The following C4orf50 variants were observed in gnomAD, a reference collection of about 807,000 sequenced individuals.
C4orf50 encodes chromosome 4 open reading frame 50, also known as uncharacterized protein C4orf50.
A neutral mutation model predicts 77.2 loss-of-function variants in C4orf50; 80 were observed. That is an observed-to-expected ratio of 1.04 (90% CI 0.87 to 1.25). The LOEUF (loss-of-function observed/expected upper bound fraction) is 1.25, where lower values mean the gene tolerates loss of function less well. C4orf50 is among the 50% of genes most tolerant of loss of function. The pLI, the probability that C4orf50 is intolerant of heterozygous loss-of-function variation, is 0.00. For missense variants in C4orf50, 1,257 were observed against 1,152.9 expected (o/e 1.09, Z -1.31); for synonymous variants, 532 against 465.3 (o/e 1.14, Z -1.84).
chr4:5,994,849 G>A (rs769054137), intron 25 of C4orf50, among the ~76,000 whole-genome samples: 58 of 152,204 alleles, frequency 3.8e-4, no homozygotes, highest in Non-Finnish European at 1.5e-4. Flanking sequence ...GAGGTGAGCA[G>A]CAGGCGAGCA....
chr4:6,006,762 G>A (rs1206564551), intron 25 of C4orf50, among the ~76,000 whole-genome samples: 6 of 152,194 alleles, frequency 3.9e-5, no homozygotes, highest in Admixed American at 6.5e-5. Context: ...ACCCTACCCT[G>A]TGTGCTCTCT....
Position 5,970,430 on chromosome 4 carries a change from G to T in C4orf50, c.4105-2968C>A, listed in dbSNP as rs562978689. On this transcript the variant is annotated intron_variant, in intron 31 of 33. Coordinates refer to ENST00000531445, the Ensembl canonical transcript of C4orf50. The surrounding 1 kb of genome is among the most constrained non-coding windows in gnomAD (Gnocchi z 4.3). Reference sequence around the variant, plus strand: ...TGGGATTTCCCCATCCCCAAAACAGGCACCTGAGCTGGACAGAATCAGCAG... The same window carrying T: ...TGGGATTTCCCCATCCCCAAAACAGTCACCTGAGCTGGACAGAATCAGCAG... Among the ~76,000 whole-genome samples the T allele has an allele frequency of 2.6e-5, 4 of 152,150 alleles. No homozygotes were observed. Among genetic ancestry groups the T allele is most frequent in the Non-Finnish European group, 5.9e-5 (4 of 68,032 alleles).
At chr4:5,909,716 C>A (rs1397559384) in intron 7 of C4orf50, among the ~76,000 whole-genome samples, 1 of 152,180 alleles carries the variant, frequency 6.6e-6, no homozygotes, top group Non-Finnish European at 1.5e-5. Context: ...TTTCAATCTT[C>A]TGCGTGTGAA....
intron 25 of C4orf50, among the ~76,000 whole-genome samples, chr4:6,003,902 T>C (rs1721998215): frequency 9.7e-6 from 1 of 103,516 alleles, no homozygotes; most frequent in South Asian, 3.9e-4. Flanking sequence ...GATGATGTGA[T>C]GGTGATGTTG....
chr4:6,002,601 G>C (rs1641920868), intron 25 of C4orf50, among the ~76,000 whole-genome samples: 1 of 152,178 alleles, frequency 6.6e-6, no homozygotes, highest in Admixed American at 6.5e-5. Flanking sequence ...CCTGTGGCTG[G>C]CTGGGGCCCC....
downstream of C4orf50, among the ~76,000 whole-genome samples, chr4:5,954,903 G>C (rs1204058252): frequency 6.6e-6 from 1 of 152,130 alleles, no homozygotes; most frequent in Admixed American, 6.5e-5. The surrounding 1 kb of genome is among the most constrained non-coding windows in gnomAD (Gnocchi z 4.7). Context: ...CAGGCATTGA[G>C]CTCCTGTTAC....
intron 28 of C4orf50, 40 bp downstream of exon 6, chr4:5,988,307 T>A (rs1454354059): frequency 6.3e-7 from 1 of 1,594,128 alleles, no homozygotes; most frequent in African/African-American, 1.3e-5. Context: ...CGGAACAGAG[T>A]CATGCGTGAT....
rs1029206728 is a variant in C4orf50, at chr4:5,901,174, T to G, written c.*2475-2986A>C. 6.6e-6 allele frequency: 1 copy of G among 152,264 alleles called. No individual in the cohort carries two copies. The highest frequency in any genetic ancestry group is 2.4e-5 in the African/African-American group (1 of 41,474). 9.4% of individuals were successfully genotyped at this position (152,264 alleles called of 1,614,324 possible). On this transcript the variant is annotated intron_variant, in intron 7 of 7. Transcript: ENST00000324058. This position sits in a 1 kb window ranked among gnomAD's most constrained non-coding sequence, Gnocchi z 4.4. ...TCTGACAAGTATTTCTTCTCTGCCT[T>G]AGCCTGTGGACTTTCTTCCAAATTG...
At chr4:5,972,054 G>A (rs866658131) in intron 31 of C4orf50, among the ~76,000 whole-genome samples, 83 of 151,464 alleles carry the variant, frequency 5.5e-4, no homozygotes, top group Middle Eastern at 6.8e-3. Context: ...CACCAGGCTG[G>A]AGTGCAGTGG....
At position 6,011,930 on chromosome 4, in the gene C4orf50, C is replaced by T. The variant is rs145532097; in HGVS notation, c.326G>A (p.Arg109Gln). The T allele has an allele frequency of 2.0e-4, 79 of 399,052 alleles. No individual in the cohort carries two copies. The highest frequency in any genetic ancestry group is 1.2e-3 in the African/African-American group (60 of 48,748). The allele number at this position is 399,052 out of a possible 1,614,324, so 24.7% of individuals were successfully genotyped here. The change falls in exon 24 of 34, where the codon CGG becomes CAG. Residue 109 changes from arginine to glutamine, a missense_variant. Arg to Gln is a conservative substitution (Grantham distance 43). Transcript: ENST00000531445. This position sits in a 1 kb window ranked among gnomAD's most constrained non-coding sequence, Gnocchi z 4.2. Reference sequence around the variant, plus strand: ...GTGGGTGCTCAGCTGGTCCACCTTCCGGAGGAGTTTCCTTTCTGACAGCTC... The same window carrying T: ...GTGGGTGCTCAGCTGGTCCACCTTCTGGAGGAGTTTCCTTTCTGACAGCTC...
intron 7 of C4orf50, chr4:5,898,924 C>G (rs1716238012): frequency 6.6e-6 from 1 of 152,214 alleles, no homozygotes; most frequent in African/African-American, 2.4e-5. Flanking sequence ...TACATTTACA[C>G]TAAAAATGCA....
chr4:5,993,580 T>G (rs113570770), intron 26 of C4orf50, among the ~76,000 whole-genome samples: 12,794 of 151,386 alleles, frequency 0.085, 639 homozygotes, highest in African/African-American at 0.14. Flanking sequence ...ACTCTGGGAG[T>G]CTGAGGTGGG....
At chr4:5,972,236 C>T (rs1719969527) in intron 31 of C4orf50, among the ~76,000 whole-genome samples, 1 of 152,086 alleles carries the variant, frequency 6.6e-6, no homozygotes, top group South Asian at 2.1e-4. Context: ...ATCTCTTGAC[C>T]TTGTGATCTG....
At position 5,965,150 on chromosome 4, in the gene C4orf50, A is replaced by T; in HGVS notation, c.4154-5T>A. ...GATTCAAGAGGTATGTCTGAGCTGGAAGGGAAAATTCTCAGTCAAGCCTCC... is the reference window on the plus strand; with the variant it reads ...GATTCAAGAGGTATGTCTGAGCTGGTAGGGAAAATTCTCAGTCAAGCCTCC... On this transcript the variant is annotated splice_polypyrimidine_tract_variant and splice_region_variant and intron_variant, in intron 32 of 33. Transcript: ENST00000531445. 6.2e-7 allele frequency: 1 copy of T among 1,611,200 alleles called. No individual in the cohort carries two copies. Among genetic ancestry groups the T allele is most frequent in the Non-Finnish European group, 8.5e-7 (1 of 1,178,792 alleles).
chr4:5,957,798 G>A (rs1259462280), exon 34 of C4orf50: 3 of 152,174 alleles, frequency 2.0e-5, no homozygotes, highest in African/African-American at 7.2e-5. Flanking sequence ...TCAATGTGCT[G>A]AGGCTGCCTT....
intron 7 of C4orf50, among the ~76,000 whole-genome samples, chr4:5,933,776 C>G (rs1717873312): frequency 6.6e-6 from 1 of 152,174 alleles, no homozygotes; most frequent in Non-Finnish European, 1.5e-5. Flanking sequence ...ACACTGTTCC[C>G]AAGACCTGCA....
chr4:5,930,984 G>A (rs975287484), intron 7 of C4orf50, among the ~76,000 whole-genome samples: 8 of 152,196 alleles, frequency 5.3e-5, no homozygotes, highest in African/African-American at 1.7e-4. Context: ...CAAACGCCTC[G>A]TGCATAAATG....
chr4:6,005,543 C>A (rs1484605072), intron 25 of C4orf50, among the ~76,000 whole-genome samples: 3 of 152,114 alleles, frequency 2.0e-5, no homozygotes, highest in Non-Finnish European at 4.4e-5. Flanking sequence ...GGGCAGCAGG[C>A]AGAAGTCACG....
At chr4:5,936,651 C>CA (rs1425290864) in intron 7 of C4orf50, among the ~76,000 whole-genome samples, 2 of 55,960 alleles carry the variant, frequency 3.6e-5, no homozygotes, top group Non-Finnish European at 7.2e-5. Context: ...AAAATTGAGT[C>CA]AGTCTAAAAC....
Sources: allele counts gnomAD v4.1 joint callset (sites outside exome capture counted in the v4.1 genomes callset), GRCh38; gene constraint gnomAD v4.1.1; non-coding constraint Gnocchi (gnomAD v3.1); transcripts MANE v1.5; gene names NCBI Gene and HGNC (gene_info 2026-07-23, HGNC 2026-07-21).